The following TG variants were observed in gnomAD, a reference collection of about 807,000 sequenced individuals.
TG encodes the protein thyroglobulin, also known as thyroid hormones.
TG carries 270 observed loss-of-function variants against 324.7 expected under a neutral mutation model. That is an observed-to-expected ratio of 0.83 (90% CI 0.75 to 0.92). The LOEUF is 0.92. TG is among the 40% of genes least tolerant of loss of function. The pLI is 0.00. For missense variants in TG, 3,591 were observed against 3,456.4 expected (o/e 1.04, Z -0.98); for synonymous variants, 1,401 against 1,327.0 (o/e 1.06, Z -1.21).
intron 39 of TG, among the ~76,000 whole-genome samples, chr8:133,019,998 G>A (rs1344764945): frequency 6.6e-6 from 1 of 152,184 alleles, no homozygotes; most frequent in Non-Finnish European, 1.5e-5. Flanking sequence ...GATTTTATTG[G>A]TCTTCACATC....
chr8:133,132,292 C>T (rs1852002929), intron 46 of TG, among the ~76,000 whole-genome samples: 1 of 152,170 alleles, frequency 6.6e-6, no homozygotes, highest in Admixed American at 6.5e-5. Flanking sequence ...TCTAGATGTC[C>T]ACCAGATGCC....
chr8:132,873,162 G>A lies in TG; in HGVS notation c.579G>A (p.Gln193=). Reference sequence around the variant, plus strand: ...CGGAGGGAGAGTTTATGCCTGTCCAGTGCAAATTTGTCAACACCACAGACA... The same window carrying A: ...CGGAGGGAGAGTTTATGCCTGTCCAATGCAAATTTGTCAACACCACAGACA... ...CSAEGEFMPV[Q]CKFVNTTDMM... The change falls in exon 5 of 48, where the codon CAG becomes CAA. Residue 193 remains glutamine (Q), a synonymous_variant. Transcript: ENST00000220616. 6.2e-7 allele frequency: 1 copy of A among 1,614,144 alleles called. No individual in the cohort carries two copies. The highest frequency in any genetic ancestry group is 8.5e-7 in the Non-Finnish European group (1 of 1,180,028).
chr8:132,948,768 A>G lies in TG; in HGVS notation c.5234-8A>G. On this transcript the variant is annotated splice_region_variant and splice_polypyrimidine_tract_variant and intron_variant, in intron 26 of 47. Transcript: ENST00000220616. ...ACACTGACCTCTCCTACCTCTTGTG[A>G]TTCTCAGGTGCCATCATCTGTGGGT... 3 of 1,613,294 alleles carry G rather than the reference A, an allele frequency of 1.9e-6. No homozygotes were observed. The highest frequency in any genetic ancestry group is 2.5e-6 in the Non-Finnish European group (3 of 1,180,002).
chr8:133,105,761 C>T (rs1849748843), intron 43 of TG, among the ~76,000 whole-genome samples: 1 of 152,158 alleles, frequency 6.6e-6, no homozygotes, highest in Admixed American at 6.5e-5. Context: ...AGGGTGGCAG[C>T]TGGGAGCCTT....
chr8:133,106,980 G>A (rs925617923), intron 43 of TG, among the ~76,000 whole-genome samples: 3 of 152,230 alleles, frequency 2.0e-5, no homozygotes, highest in South Asian at 4.1e-4. Context: ...GACACCACTC[G>A]GCGTGAACTA....
At chr8:132,973,490 A>G (rs1260248057) in intron 34 of TG, among the ~76,000 whole-genome samples, 1 of 152,214 alleles carries the variant, frequency 6.6e-6, no homozygotes, top group Non-Finnish European at 1.5e-5. Flanking sequence ...ACAGTGTGGC[A>G]TAAGAGCTCC....
intron 23 of TG, among the ~76,000 whole-genome samples, chr8:132,933,151 A>T (rs1282998048): frequency 7.6e-6 from 1 of 131,800 alleles, no homozygotes; most frequent in Non-Finnish European, 1.6e-5. Flanking sequence ...ATGTGTGCTT[A>T]TATGTGTGCT....
intron 37 of TG, among the ~76,000 whole-genome samples, chr8:133,015,459 C>T (rs1170730003): frequency 6.6e-6 from 1 of 152,184 alleles, no homozygotes; most frequent in Non-Finnish European, 1.5e-5. Context: ...ACCATTTCTG[C>T]AAAAGAATTT....
chr8:133,013,097 G>A (rs566686279), intron 36 of TG, among the ~76,000 whole-genome samples: 14 of 152,170 alleles, frequency 9.2e-5, no homozygotes, highest in Non-Finnish European at 1.9e-4. Context: ...TATTAAGCAG[G>A]GAAATAACAA....
chr8:132,868,130 C>A lies in TG; in HGVS notation c.83C>A (p.Ala28Asp). 6.2e-7 allele frequency: 1 copy of A among 1,614,130 alleles called. No homozygotes were observed. The highest frequency in any genetic ancestry group is 8.5e-7 in the Non-Finnish European group (1 of 1,180,006). The change falls in exon 2 of 48, where the codon GCC becomes GAC. Residue 28 changes from alanine to aspartate, a missense_variant. Coordinates refer to ENST00000220616, the MANE Select transcript of TG (RefSeq NM_003235.5). ...CTTTTCCTAGAGTACCAGGTGGATG[C>A]CCAGCCCCTTCGTCCCTGTGAGCTG... ...SANIFEYQVD[A>D]QPLRPCELQR... is the part of the protein sequence containing the mutation.
At chr8:133,108,905 A>G (rs1850048549) in intron 43 of TG, among the ~76,000 whole-genome samples, 1 of 152,236 alleles carries the variant, frequency 6.6e-6, no homozygotes, top group Non-Finnish European at 1.5e-5. Context: ...ACAGGTTAAT[A>G]ATCATCACTC....
In TG at chr8:132,893,997, T is replaced by C. The variant is rs577194532; in HGVS notation, c.3001+68T>C. 35 of 1,611,626 alleles carry C rather than the reference T, an allele frequency of 2.2e-5. No homozygotes were observed. The African/African-American group carries it at 4.4e-4, about 20-fold the overall frequency. On this transcript the variant is annotated intron_variant, in intron 11 of 47. Transcript: ENST00000220616. ...AAAAGCAGGAGCTTAAATTCGTCTC[T>C]CCTCAGTCATCCTTAGGACTTTGTG...
At chr8:133,074,975 G>T in intron 41 of TG, 1 of 985,426 alleles carries the variant, frequency 1.0e-6, no homozygotes, top group Non-Finnish European at 1.2e-6. Context: ...CGGGCTTCTC[G>T]CGGTTGTGGA....
chr8:133,022,197 C>A (rs1835630426), intron 40 of TG, 47 bp downstream of exon 40: 1 of 1,612,934 alleles, frequency 6.2e-7, no homozygotes, highest in Non-Finnish European at 8.5e-7. Flanking sequence ...TGAGCCAAGG[C>A]TCAGCCCCTT....
chr8:133,121,800 A>G (rs1036553221), intron 45 of TG, among the ~76,000 whole-genome samples: 5 of 152,218 alleles, frequency 3.3e-5, no homozygotes, highest in African/African-American at 1.2e-4. Context: ...GGCCATCAGA[A>G]TGCATTCTTG....
chr8:133,070,015 A>G (rs79123528), intron 41 of TG, among the ~76,000 whole-genome samples: 1 of 96,600 alleles, frequency 1.0e-5, no homozygotes, highest in Non-Finnish European at 2.6e-5. Context: ...AAAAAAAAAA[A>G]AAAAAAAAAA....
intron 5 of TG, among the ~76,000 whole-genome samples, chr8:132,874,745 G>C (rs1257321500): frequency 6.6e-6 from 1 of 152,130 alleles, no homozygotes; most frequent in Non-Finnish European, 1.5e-5. Flanking sequence ...AAAAATAGTT[G>C]AACATGAGAA....
At chr8:133,028,552 A>T (rs956250389) in intron 40 of TG, among the ~76,000 whole-genome samples, 1 of 152,244 alleles carries the variant, frequency 6.6e-6, no homozygotes, top group African/African-American at 2.4e-5. Flanking sequence ...ATAGTGCTTT[A>T]TGACAAGCAC....
chr8:132,994,318 C>T (rs1832665809), intron 35 of TG, among the ~76,000 whole-genome samples: 1 of 152,084 alleles, frequency 6.6e-6, no homozygotes, highest in East Asian at 1.9e-4. Flanking sequence ...ATTTTAATAT[C>T]TTTTTCAGGG....
Sources: gnomAD v4.1 joint callset for allele counts (sites outside exome capture counted in the v4.1 genomes callset) on GRCh38, gnomAD v4.1.1 for gene constraint, MANE v1.5 for transcripts, NCBI Gene and HGNC (gene_info 2026-07-23, HGNC 2026-07-21) for gene names.